PARD3: variants seen among roughly 807,000 people sequenced by gnomAD.
The protein encoded by PARD3 is partitioning defective 3 homolog.
In PARD3, 75 loss-of-function variants were observed where a neutral mutation model predicts 155.4. The ratio of observed to expected loss-of-function variants is 0.48; its 90% confidence interval spans 0.40 to 0.58. The LOEUF is 0.58. PARD3 is among the 20% of genes least tolerant of loss of function. The probability of loss-of-function intolerance (pLI) is 0.00; values close to 1 mark genes in which losing one functional copy is unlikely to be tolerated. For synonymous variants in PARD3, 576 were observed against 610.5 expected (o/e 0.94, Z 0.83); for missense variants, 1,642 against 1,721.7 (o/e 0.95, Z 0.82).
chr10:34,501,027 GTTT>G (rs1328154095), intron 3 of PARD3, among the ~76,000 whole-genome samples: 1 of 152,004 alleles, frequency 6.6e-6, no homozygotes, highest in African/African-American at 2.4e-5. Flanking sequence ...ACAGATTTTT[GTTT>G]TTTATCAAGC....
chr10:34,689,013 A>G (rs1219093040), intron 2 of PARD3, among the ~76,000 whole-genome samples: 3 of 152,210 alleles, frequency 2.0e-5, no homozygotes, highest in Non-Finnish European at 4.4e-5. Flanking sequence ...TAAAATGCAG[A>G]TGCCCAGGAC....
At chr10:34,191,939 G>A (rs1950729954) in intron 22 of PARD3, among the ~76,000 whole-genome samples, 1 of 152,172 alleles carries the variant, frequency 6.6e-6, no homozygotes. Context: ...AGGCTTACAG[G>A]CTAAAACACG....
intron 1 of PARD3, among the ~76,000 whole-genome samples, chr10:34,754,999 T>G (rs1836526456): frequency 1.3e-5 from 2 of 152,174 alleles, no homozygotes; most frequent in African/African-American, 4.8e-5. Flanking sequence ...AATGGAAAGT[T>G]TTGGTCAATG....
At chr10:34,572,120 T>C (rs1276358343) in intron 2 of PARD3, among the ~76,000 whole-genome samples, 1 of 152,212 alleles carries the variant, frequency 6.6e-6, no homozygotes, top group East Asian at 1.9e-4. Context: ...CTTTTGTATC[T>C]TGAAAATATT....
chr10:34,404,136 G>A (rs1844191512), intron 5 of PARD3, among the ~76,000 whole-genome samples: 1 of 152,162 alleles, frequency 6.6e-6, no homozygotes, highest in African/African-American at 2.4e-5. Flanking sequence ...CAGTTTGGAT[G>A]GCAACATTCA....
At chr10:34,157,647 T>C (rs1949072149) in intron 22 of PARD3, among the ~76,000 whole-genome samples, 1 of 152,196 alleles carries the variant, frequency 6.6e-6, no homozygotes, top group Admixed American at 6.5e-5. Context: ...CTGTTTTGTG[T>C]GTGATTCTTC....
At chr10:34,621,881 T>C (rs1044693369) in intron 2 of PARD3, among the ~76,000 whole-genome samples, 7 of 152,154 alleles carry the variant, frequency 4.6e-5, no homozygotes, top group African/African-American at 1.7e-4. Flanking sequence ...AAATGTATTT[T>C]GATAAAGTAA....
At chr10:34,471,431 C>T (rs915359841) in intron 3 of PARD3, among the ~76,000 whole-genome samples, 1 of 152,140 alleles carries the variant, frequency 6.6e-6, no homozygotes, top group Non-Finnish European at 1.5e-5. Context: ...CTAAAAGTTC[C>T]ACTCAGCAAC....
At chr10:34,146,311 A>G (rs1359395845) in intron 22 of PARD3, among the ~76,000 whole-genome samples, 1 of 152,204 alleles carries the variant, frequency 6.6e-6, no homozygotes, top group Non-Finnish European at 1.5e-5. Flanking sequence ...GACGAAAGAC[A>G]TGGATGTAAA....
intron 18 of PARD3, among the ~76,000 whole-genome samples, chr10:34,333,538 G>A (rs2134247308): frequency 6.6e-6 from 1 of 152,150 alleles, no homozygotes; most frequent in East Asian, 1.9e-4. Flanking sequence ...GAAGGTCAAT[G>A]AACTACTCTC....
At chr10:34,113,253 G>C (rs1353331172) in intron 24 of PARD3, among the ~76,000 whole-genome samples, 16 of 152,094 alleles carry the variant, frequency 1.1e-4, no homozygotes, top group Non-Finnish European at 4.4e-5. Flanking sequence ...GGAGCCCCAG[G>C]CTTCGCTCTA....
At chr10:34,705,155 T>C (rs2094344250) in intron 1 of PARD3, among the ~76,000 whole-genome samples, 1 of 152,204 alleles carries the variant, frequency 6.6e-6, no homozygotes, top group Admixed American at 6.5e-5. Context: ...CCTGATTTAA[T>C]CAGCTTCATT....
At chr10:34,399,266 G>A in intron 7 of PARD3, 64 bp downstream of exon 7, 3 of 1,028,242 alleles carry the variant, frequency 2.9e-6, no homozygotes, top group Non-Finnish European at 4.6e-6. Context: ...CTCTCTATCT[G>A]AGCATAAATG....
chr10:34,501,976 C>T (rs1020651387), intron 3 of PARD3, among the ~76,000 whole-genome samples: 1 of 152,056 alleles, frequency 6.6e-6, no homozygotes, highest in Non-Finnish European at 1.5e-5. Flanking sequence ...TTAAAATGAC[C>T]CAATAGAGCT....
rs909965912 is a variant in PARD3 at position 34,336,262 on chromosome 10, A to G, written c.2561-19T>C. 3 of 1,603,238 alleles carry G rather than the reference A, an allele frequency of 1.9e-6. No homozygotes were observed. The highest frequency in any genetic ancestry group is 2.6e-6 in the Non-Finnish European group (3 of 1,171,220). Reference sequence around the variant, plus strand: ...TCAGCTACTGTTAAAAGGTAAATGTATAATAGTTAGCCCAGTTAGTTCCCA... The same window carrying G: ...TCAGCTACTGTTAAAAGGTAAATGTGTAATAGTTAGCCCAGTTAGTTCCCA... On this transcript the variant is annotated intron_variant, in intron 17 of 24. Coordinates refer to ENST00000374788, the MANE Select transcript of PARD3 (RefSeq NM_001184785.2).
intron 20 of PARD3, among the ~76,000 whole-genome samples, chr10:34,316,126 A>T (rs548613376): frequency 6.6e-6 from 1 of 152,334 alleles, no homozygotes; most frequent in East Asian, 1.9e-4. Context: ...TTTAAAAAAA[A>T]GTTTTTAAAA....
Position 34,372,535 on chromosome 10 carries a change from T to G in PARD3, c.1670A>C (p.Asn557Thr). 1 of 1,607,724 alleles carries G rather than the reference T, an allele frequency of 6.2e-7. No individual in the cohort carries two copies. The highest frequency in any genetic ancestry group is 8.5e-7 in the Non-Finnish European group (1 of 1,174,446). ...QEDAFHPREL[N>T]AEPSQMQIPK... is the part of the protein sequence containing the mutation. ...AATCTGCATCTGGCTTGGCTCTGCA[T>G]TCTAGAAGAATTGAAGAAAAACATA... is the stretch of plus-strand genomic sequence containing the variant. Residue 557 changes from asparagine (N) to threonine (T), a missense_variant and splice_region_variant, in exon 12 of 25, where the codon AAT becomes ACT. Transcript: ENST00000374788.
intron 22 of PARD3, among the ~76,000 whole-genome samples, chr10:34,267,755 G>T (rs77824206): frequency 0.025 from 3,826 of 152,270 alleles, 142 homozygotes; most frequent in African/African-American, 0.087. Context: ...CCTTGTGAGG[G>T]TTCTTAACAG....
chr10:34,673,910 G>A (rs1291083574), intron 2 of PARD3, among the ~76,000 whole-genome samples: 4 of 151,564 alleles, frequency 2.6e-5, no homozygotes, highest in African/African-American at 7.3e-5. Context: ...ACTTGAACCC[G>A]GGAGGGAGAG....
Sources: gnomAD v4.1 joint callset for allele counts (sites outside exome capture counted in the v4.1 genomes callset) on GRCh38, gnomAD v4.1.1 for gene constraint, MANE v1.5 for transcripts, NCBI Gene and HGNC (gene_info 2026-07-23, HGNC 2026-07-21) for gene names.